Variants in DAB1 observed in about 807,000 individuals in gnomAD.
DAB1 encodes the protein disabled homolog 1.
Under a neutral mutation model 64.6 loss-of-function variants are expected in DAB1, and 15 were observed. That is an observed-to-expected ratio of 0.23 (90% confidence interval 0.16 to 0.36). The LOEUF (loss-of-function observed/expected upper bound fraction) is 0.36, where lower values mean the gene tolerates loss of function less well. Among genes scored for constraint, DAB1 ranks in the 10% least tolerant of loss-of-function variants. The pLI is 1.00. For synonymous variants in DAB1, 235 were observed against 251.9 expected, an observed-to-expected ratio of 0.93 and a Z score of 0.64; for missense variants, 596 against 706.7, an observed-to-expected ratio of 0.84 and a Z score of 1.78.
At chr1:57,513,156 T>C (rs1319564500) in intron 7 of DAB1, among the ~76,000 whole-genome samples, 1 of 152,176 alleles carries the variant, frequency 6.6e-6, no homozygotes, top group East Asian at 1.9e-4. Context: ...ACTTTTTTTT[T>C]TTCAATCACA....
In DAB1 at chr1:58,300,594, AAGAAAGAAAGAAAGAAAGAGAGAGAGAG is replaced by A. The variant is rs1332334276; in HGVS notation, n.309+42730_309+42757del. ...AAAGAAAGAAAGAAAGAAAGAAAGAAAGAAAGAAAGAAAGAAAGAGAGAGAGAGAGAGAGAGAGAGAGAGAGAGAGAGA... is the reference window on the plus strand; with the variant it reads ...AAAGAAAGAAAGAAAGAAAGAAAGAAAGAGAGAGAGAGAGAGAGAGAGAGA... On this transcript the variant is annotated intron_variant and non_coding_transcript_variant, in intron 4 of 20. Coordinates refer to the DAB1 transcript ENST00000485760. Among the ~76,000 whole-genome samples, 161 of 33,564 alleles carry A rather than the reference AAGAAAGAAAGAAAGAAAGAGAGAGAGAG, an allele frequency of 4.8e-3. 4 individuals are homozygous for A. The highest frequency in any genetic ancestry group is 7.4e-3 in the Non-Finnish European group (115 of 15,562). 22.0% of individuals were successfully genotyped at this position (33,564 alleles called of 152,430 possible).
At chr1:57,547,076 C>A (rs1189081577) in intron 7 of DAB1, among the ~76,000 whole-genome samples, 2 of 150,538 alleles carry the variant, frequency 1.3e-5, no homozygotes, top group Admixed American at 6.6e-5. Flanking sequence ...ATGAAAAAAC[C>A]AGAAGTGAGA....
chr1:58,222,572 T>G (rs1315399681), intron 4 of DAB1, among the ~76,000 whole-genome samples: 1 of 152,238 alleles, frequency 6.6e-6, no homozygotes, highest in Non-Finnish European at 1.5e-5. Context: ...AACTATCTTC[T>G]TTGATCCTCC....
chr1:57,357,165 C>T (rs1354821254), intron 1 of DAB1, among the ~76,000 whole-genome samples: 1 of 152,034 alleles, frequency 6.6e-6, no homozygotes, highest in Non-Finnish European at 1.5e-5. Context: ...GACAATTTAA[C>T]ATAAACACAT....
chr1:58,226,184 A>G (rs1287185049), intron 4 of DAB1, among the ~76,000 whole-genome samples: 1 of 152,140 alleles, frequency 6.6e-6, no homozygotes, highest in African/African-American at 2.4e-5. Flanking sequence ...TTGTTTCATA[A>G]TATGTTGGGG....
intron 4 of DAB1, among the ~76,000 whole-genome samples, chr1:58,261,305 A>G (rs1055109155): frequency 2.0e-5 from 3 of 152,356 alleles, no homozygotes; most frequent in South Asian, 4.1e-4. Flanking sequence ...TTACTGCTAG[A>G]GGCCAAGTTG....
At chr1:57,842,782 C>T (rs55733745) in intron 1 of DAB1, among the ~76,000 whole-genome samples, 10,985 of 152,250 alleles carry the variant, frequency 0.072, 639 homozygotes, top group Admixed American at 0.21. Flanking sequence ...CTTTCCTCCA[C>T]ATGTGAGGAT....
intron 4 of DAB1, among the ~76,000 whole-genome samples, chr1:58,324,628 C>T (rs1257467800): frequency 6.6e-6 from 1 of 152,138 alleles, no homozygotes; most frequent in African/African-American, 2.4e-5. Context: ...AATTTCAACC[C>T]AAAGTGTTTT....
intron 5 of DAB1, among the ~76,000 whole-genome samples, chr1:57,969,552 TA>T (rs1162659045): frequency 2.6e-5 from 4 of 152,174 alleles, no homozygotes; most frequent in African/African-American, 9.7e-5. Flanking sequence ...TACTATTCAT[TA>T]CAGCTTTTAG....
At chr1:58,453,272 G>A (rs1645159611) in intron 3 of DAB1, among the ~76,000 whole-genome samples, 1 of 152,110 alleles carries the variant, frequency 6.6e-6, no homozygotes, top group African/African-American at 2.4e-5. Flanking sequence ...AGTTTTGGGG[G>A]TGACAGGCTC....
intron 4 of DAB1, among the ~76,000 whole-genome samples, chr1:58,257,605 C>T (rs1660962000): frequency 6.6e-6 from 1 of 152,166 alleles, no homozygotes; most frequent in African/African-American, 2.4e-5. Context: ...AGGAAATAAA[C>T]CTTAGGTTGC....
At chr1:58,474,251 C>T (rs1020702678) in intron 3 of DAB1, among the ~76,000 whole-genome samples, 4 of 152,246 alleles carry the variant, frequency 2.6e-5, no homozygotes, top group East Asian at 1.9e-4. Flanking sequence ...ACTGAGCTTT[C>T]GAGAGGCTTA....
At chr1:57,434,870 C>G (rs1393613423) in intron 7 of DAB1, among the ~76,000 whole-genome samples, 1 of 152,006 alleles carries the variant, frequency 6.6e-6, no homozygotes, top group African/African-American at 2.4e-5. Context: ...AGAGCACTTA[C>G]TATGAATGGA....
At chr1:57,278,220 A>C (rs546840565) in intron 2 of DAB1, among the ~76,000 whole-genome samples, 2 of 152,326 alleles carry the variant, frequency 1.3e-5, no homozygotes, top group African/African-American at 4.8e-5. Flanking sequence ...CATTGAACAT[A>C]ATCTTAACTT....
At chr1:58,020,204 A>T (rs1464966791) in intron 5 of DAB1, among the ~76,000 whole-genome samples, 1 of 152,240 alleles carries the variant, frequency 6.6e-6, no homozygotes, top group Non-Finnish European at 1.5e-5. Context: ...TTCGCCTGTA[A>T]TCCCAGGCAA....
Position 57,584,814 on chromosome 1 carries a change from T to G in DAB1, n.625+64778A>C, listed in dbSNP as rs543615638. ...AATACCTGTATGGATATCTCCATTATTAGTTTCTCTACCCCTTGTCAAGAT... is the reference window on the plus strand; with the variant it reads ...AATACCTGTATGGATATCTCCATTAGTAGTTTCTCTACCCCTTGTCAAGAT... On this transcript the variant is annotated intron_variant and non_coding_transcript_variant, in intron 7 of 20. Transcript: ENST00000485760. Among the ~76,000 whole-genome samples, 19 of 152,322 alleles carry G rather than the reference T, an allele frequency of 1.2e-4. No homozygotes were observed. The South Asian group carries it at 3.5e-3, about 28-fold the overall frequency.
intron 1 of DAB1, among the ~76,000 whole-genome samples, chr1:57,838,355 GA>G (rs1330705521): frequency 2.0e-5 from 3 of 152,104 alleles, no homozygotes; most frequent in African/African-American, 7.2e-5. Flanking sequence ...AGTTGAGAAT[GA>G]TTTATTTGGG....
At chr1:58,225,668 T>G (rs1416009715) in intron 4 of DAB1, among the ~76,000 whole-genome samples, 2 of 151,790 alleles carry the variant, frequency 1.3e-5, no homozygotes, top group Admixed American at 6.6e-5. Context: ...TGTAGGGACA[T>G]GGATGAAGCT....
At chr1:57,083,254 G>C (rs1011290531) in intron 4 of DAB1, among the ~76,000 whole-genome samples, 1 of 152,188 alleles carries the variant, frequency 6.6e-6, no homozygotes, top group Non-Finnish European at 1.5e-5. Context: ...GACCTGGACT[G>C]CTGCCAGGTA....
Sources: gnomAD v4.1 joint callset for allele counts (sites outside exome capture counted in the v4.1 genomes callset) on GRCh38, gnomAD v4.1.1 for gene constraint, MANE v1.5 for transcripts, NCBI Gene and HGNC (gene_info 2026-07-23, HGNC 2026-07-21) for gene names.